Variants in SLIT3 observed in about 807,000 individuals in gnomAD.
SLIT3 encodes slit guidance ligand 3.
SLIT3 carries 68 observed loss-of-function variants against 184.0 expected under a neutral mutation model. The ratio of observed to expected loss-of-function variants is 0.37; its 90% CI spans 0.30 to 0.45. The LOEUF is 0.45. Ranked by LOEUF, SLIT3 falls within the 20% of genes least tolerant of loss-of-function variation. The pLI, the probability that SLIT3 is intolerant of heterozygous loss-of-function variation, is 1.00. For synonymous variants in SLIT3, 831 were observed against 828.6 expected, an observed-to-expected ratio of 1.00 and a Z score of -0.05; for missense variants, 1,707 against 2,026.0, an observed-to-expected ratio of 0.84 and a Z score of 3.02.
intron 4 of SLIT3, among the ~76,000 whole-genome samples, chr5:169,027,949 T>C (rs1283638822): frequency 6.6e-6 from 1 of 151,654 alleles, no homozygotes; most frequent in Non-Finnish European, 1.5e-5. Flanking sequence ...GGAGGGAGAG[T>C]GGTTTTCATT....
intron 9 of SLIT3, among the ~76,000 whole-genome samples, chr5:168,802,742 A>G (rs1414263806): frequency 6.6e-6 from 1 of 152,212 alleles, no homozygotes; most frequent in East Asian, 1.9e-4. Flanking sequence ...ATCCTAATAA[A>G]GGTCGTGGTG....
rs567648244 is a variant in SLIT3 at position 169,033,922 on chromosome 5, C to T, written c.414-150586G>A. 6.5e-3 allele frequency among the ~76,000 whole-genome samples: 978 copies of T among 151,052 alleles called. 15 individuals are homozygous for T. The highest frequency in any genetic ancestry group is 0.022 in the African/African-American group (921 of 41,072). ...CCACCTCCCGGGTTCAAGTGATTCT[C>T]CTGCCTCAGCCTCCCGAGTAGCTGG... is the stretch of plus-strand genomic sequence containing the variant. On this transcript the variant is annotated intron_variant, in intron 4 of 35. Transcript: ENST00000519560.
At chr5:169,236,482 T>G (rs1765205743) in intron 3 of SLIT3, among the ~76,000 whole-genome samples, 1 of 151,040 alleles carries the variant, frequency 6.6e-6, no homozygotes, top group African/African-American at 2.4e-5. Flanking sequence ...TGTTTTGTTT[T>G]TTTTTTTTTT....
chr5:168,965,396 G>A (rs150921098), intron 4 of SLIT3, among the ~76,000 whole-genome samples: 36 of 152,272 alleles, frequency 2.4e-4, no homozygotes, highest in African/African-American at 7.5e-4. Flanking sequence ...AGGAGCAAAC[G>A]TTCAGGCTTT....
chr5:168,911,376 A>G (rs1411463858), intron 4 of SLIT3, among the ~76,000 whole-genome samples: 1 of 152,150 alleles, frequency 6.6e-6, no homozygotes, highest in Non-Finnish European at 1.5e-5. Flanking sequence ...CACACAAGAG[A>G]ACAACTGCAT....
chr5:168,770,986 C>G (rs923189292), intron 14 of SLIT3, among the ~76,000 whole-genome samples: 1 of 152,096 alleles, frequency 6.6e-6, no homozygotes, highest in Non-Finnish European at 1.5e-5. Context: ...CACTCTTTCC[C>G]TGCTGTGCCA....
chr5:168,905,162 C>T (rs538277151), intron 4 of SLIT3, among the ~76,000 whole-genome samples: 5 of 149,944 alleles, frequency 3.3e-5, no homozygotes, highest in African/African-American at 9.8e-5. Flanking sequence ...GGGGACAGAG[C>T]GAGACTCCAT....
At position 168,931,866 on chromosome 5, in the gene SLIT3, T is replaced by A. The variant is rs10053579; in HGVS notation, c.414-48530A>T. Among the ~76,000 whole-genome samples, 855 of 152,272 alleles carry A rather than the reference T, an allele frequency of 5.6e-3. 12 individuals are homozygous for A. Among genetic ancestry groups the A allele is most frequent in the African/African-American group, 0.02 (821 of 41,558 alleles). On this transcript the variant is annotated intron_variant, in intron 4 of 35. Transcript: ENST00000519560. ...GTTCCTTTTGCAATAACCACTTTAGTAGCTCCCTAGAGATGTCTGTGTCAC... is the reference window on the plus strand; with the variant it reads ...GTTCCTTTTGCAATAACCACTTTAGAAGCTCCCTAGAGATGTCTGTGTCAC...
At chr5:168,685,620 T>C (rs199915961) in intron 31 of SLIT3, 67 bp downstream of exon 31, 285 of 1,490,766 alleles carry the variant, frequency 1.9e-4, no homozygotes, top group Middle Eastern at 1.3e-3. Context: ...TTCCAGCAAT[T>C]TTCTGAACTA....
At position 169,300,766 on chromosome 5, in the gene SLIT3, GC is replaced by G; in HGVS notation, c.-58del. The G allele has an allele frequency of 8.0e-7, 1 of 1,254,352 alleles. No homozygotes were observed. The highest frequency in any genetic ancestry group is 3.2e-5 in the South Asian group (1 of 31,338). 77.7% of individuals were successfully genotyped at this position (1,254,352 alleles called of 1,614,324 possible). A position where few individuals can be genotyped will look rare whatever the true frequency, so the allele number is the denominator to read the frequency against. On this transcript the variant is annotated 5_prime_UTR_variant, in exon 1 of 36. Coordinates refer to ENST00000519560, the MANE Select transcript of SLIT3 (RefSeq NM_003062.4). This position sits in a 1 kb window ranked among gnomAD's most constrained non-coding sequence, Gnocchi z 4.1. ...GCCTCTGCGGGGCAAGACGCGTGGA[GC>G]CCGAGGAGGCGCGCGGGGAGCGCGG...
rs1767677020 is a variant in SLIT3 at position 169,301,074 on chromosome 5, C to G, written c.-365G>C. On this transcript the variant is annotated 5_prime_UTR_variant, in exon 1 of 36. Coordinates refer to ENST00000519560, the MANE Select transcript of SLIT3 (RefSeq NM_003062.4). ...CGGCTTGGGGCTGGGCTGGGGAGCG[C>G]GGCGGCTGCGGCTGGGGCACGGGGC... is the stretch of plus-strand genomic sequence containing the variant. The G allele has an allele frequency of 6.5e-6, 1 of 153,234 alleles. No homozygotes were observed. The highest frequency in any genetic ancestry group is 6.6e-5 in the Admixed American group (1 of 15,258). The allele number at this position is 153,234 out of a possible 1,614,324, so 9.5% of individuals were successfully genotyped here.
intron 4 of SLIT3, among the ~76,000 whole-genome samples, chr5:168,976,587 G>C (rs974317956): frequency 6.6e-6 from 1 of 152,166 alleles, no homozygotes; most frequent in African/African-American, 2.4e-5. Context: ...CATATTTACT[G>C]TATGTGACAG....
chr5:168,692,380 CCCTA>C (rs985770410), intron 29 of SLIT3, among the ~76,000 whole-genome samples: 1 of 152,134 alleles, frequency 6.6e-6, no homozygotes. Context: ...CTTTCTCTCT[CCCTA>C]CCTACCTGTC....
chr5:168,796,280 C>T (rs1158150941), intron 9 of SLIT3, among the ~76,000 whole-genome samples: 10 of 152,302 alleles, frequency 6.6e-5, no homozygotes, highest in East Asian at 1.9e-4. Context: ...CAACAAGAGA[C>T]GCTGCAGGCC....
intron 4 of SLIT3, among the ~76,000 whole-genome samples, chr5:169,167,236 T>C (rs571790040): frequency 3.3e-5 from 5 of 150,812 alleles, no homozygotes; most frequent in African/African-American, 1.2e-4. Context: ...ATGAACTGAA[T>C]GACTTCTTGG....
chr5:169,024,786 T>C (rs1346440741), intron 4 of SLIT3: 1 of 151,992 alleles, frequency 6.6e-6, no homozygotes, highest in East Asian at 1.9e-4. Flanking sequence ...AGAATAGCAG[T>C]GATGCAAGAA....
chr5:169,073,453 T>TC (rs1041563166), intron 4 of SLIT3, among the ~76,000 whole-genome samples: 8 of 151,822 alleles, frequency 5.3e-5, no homozygotes, highest in African/African-American at 1.9e-4. Flanking sequence ...TTTGGGGAAT[T>TC]CTCCATTCTC....
chr5:169,195,846 C>T (rs1296859649), intron 3 of SLIT3, among the ~76,000 whole-genome samples: 4 of 151,932 alleles, frequency 2.6e-5, no homozygotes, highest in African/African-American at 2.4e-5. Context: ...TGACTCTTAC[C>T]CCAGTGCTTT....
intron 4 of SLIT3, among the ~76,000 whole-genome samples, chr5:169,059,505 T>TTGAACCCAA (rs1758111515): frequency 6.6e-6 from 1 of 152,132 alleles, no homozygotes; most frequent in Admixed American, 6.6e-5. Context: ...GGGCAGTGAT[T>TTGAACCCAA]TGAACCCAAT....
Sources: gnomAD v4.1 joint callset for allele counts (sites outside exome capture counted in the v4.1 genomes callset) on GRCh38, gnomAD v4.1.1 for gene constraint, Gnocchi (gnomAD v3.1) non-coding constraint, MANE v1.5 for transcripts, NCBI Gene and HGNC (gene_info 2026-07-23, HGNC 2026-07-21) for gene names.